GGA2: variants seen among roughly 807,000 people sequenced by gnomAD.
The protein encoded by GGA2 is golgi associated, gamma adaptin ear containing, ARF binding protein 2.
Under a neutral mutation model 79.5 loss-of-function variants are expected in GGA2, and 48 were observed. The observed-to-expected ratio is 0.60, with a 90% CI of 0.48 to 0.77. The LOEUF (loss-of-function observed/expected upper bound fraction) is 0.77. Among genes scored for constraint, GGA2 ranks in the 30% least tolerant of loss-of-function variants. The pLI, the probability that GGA2 is intolerant of heterozygous loss-of-function variation, is 0.00. For missense variants in GGA2, 770 were observed against 774.0 expected (o/e 0.99, Z 0.06); for synonymous variants, 317 against 302.0 (o/e 1.05, Z -0.51).
intron 1 of GGA2, among the ~76,000 whole-genome samples, chr16:23,508,930 T>C (rs1216723661): frequency 1.3e-5 from 2 of 152,050 alleles, no homozygotes; most frequent in Non-Finnish European, 2.9e-5. Context: ...AGATTTCTCC[T>C]TGTCCCCTGT....
chr16:23,499,203 G>A (rs1301933028), intron 1 of GGA2, among the ~76,000 whole-genome samples: 2 of 150,146 alleles, frequency 1.3e-5, no homozygotes, highest in African/African-American at 2.5e-5. Context: ...GGTGTGCAGC[G>A]GCACAATCTC....
chr16:23,498,028 C>T (rs149610585), intron 1 of GGA2, among the ~76,000 whole-genome samples: 57 of 152,274 alleles, frequency 3.7e-4, no homozygotes, highest in African/African-American at 1.2e-3. Flanking sequence ...TGCCTTAATC[C>T]TAGCACTTTG....
intron 1 of GGA2, among the ~76,000 whole-genome samples, chr16:23,503,856 C>T (rs539209787): frequency 1.2e-3 from 188 of 152,210 alleles, no homozygotes; most frequent in African/African-American, 4.4e-3. Flanking sequence ...CCAAGGTGGG[C>T]GGATCACCTG....
At chr16:23,491,184 G>A (rs1964780631) in intron 5 of GGA2, among the ~76,000 whole-genome samples, 1 of 151,750 alleles carries the variant, frequency 6.6e-6, no homozygotes, top group African/African-American at 2.4e-5. Context: ...GCACACGCCT[G>A]TAGTCCCAGC....
At chr16:23,523,439 C>T (rs1013470517), upstream of GGA2, 1 of 152,170 alleles carries the variant, frequency 6.6e-6, no homozygotes. Flanking sequence ...GAACAGATGA[C>T]GTTTAGGGAA....
intron 1 of GGA2, among the ~76,000 whole-genome samples, chr16:23,506,553 T>A (rs1168758554): frequency 6.6e-6 from 1 of 151,952 alleles, no homozygotes; most frequent in African/African-American, 2.4e-5. Flanking sequence ...GGAGGAAGGG[T>A]GTGAGCTTTG....
chr16:23,474,833 T>TG, intron 14 of GGA2, 71 bp downstream of exon 14: 2 of 1,135,618 alleles, frequency 1.8e-6, no homozygotes, highest in Non-Finnish European at 2.6e-6. Flanking sequence ...CAAACTGGAG[T>TG]GGAAAAAGCT....
intron 16 of GGA2, among the ~76,000 whole-genome samples, chr16:23,468,482 AT>A (rs761971638): frequency 1.4e-5 from 2 of 138,640 alleles, no homozygotes; most frequent in Non-Finnish European, 3.1e-5. Context: ...GGCCGACTTT[AT>A]TTTTTTTTGA....
chr16:23,494,282 T>C, intron 3 of GGA2, 21 bp downstream of exon 3: 15 of 1,537,214 alleles, frequency 9.8e-6, no homozygotes, highest in Non-Finnish European at 1.4e-5. Flanking sequence ...AAGGTTAGGC[T>C]ACAAGGCAAG....
chr16:23,471,449 A>G (rs992086409), intron 14 of GGA2, among the ~76,000 whole-genome samples: 1 of 152,308 alleles, frequency 6.6e-6, no homozygotes, highest in Non-Finnish European at 1.5e-5. Context: ...TAAAATTACA[A>G]TTCAAGTAAA....
chr16:23,470,939 C>T (rs1056343150), intron 14 of GGA2, among the ~76,000 whole-genome samples: 5 of 150,586 alleles, frequency 3.3e-5, no homozygotes, highest in Middle Eastern at 3.4e-3. Flanking sequence ...AAACGATTCT[C>T]CCACCTCAGC....
At position 23,491,789 on chromosome 16, in the gene GGA2, G is replaced by A; in HGVS notation, c.363C>T (p.Ser121=). ...TTCCTTTAACTTTTCCTGTGGCCCA[G>A]GACCCCAGGTACTGAAAGTAAAAAG... ...IKVLSPKYLG[S]WATGKVKGRV... The change falls in exon 5 of 17, where the codon TCC becomes TCT. Residue 121 remains serine, a synonymous_variant. Coordinates refer to ENST00000309859, the MANE Select transcript of GGA2 (RefSeq NM_015044.4). 6.2e-7 allele frequency: 1 copy of A among 1,610,226 alleles called. No individual in the cohort carries two copies. The highest frequency in any genetic ancestry group is 1.7e-5 in the Admixed American group (1 of 59,972).
chr16:23,516,873 T>G (rs548351714), intron 2 of GGA2, among the ~76,000 whole-genome samples: 1 of 152,002 alleles, frequency 6.6e-6, no homozygotes, highest in Non-Finnish European at 1.5e-5. Context: ...AAAGCCACCC[T>G]CTCCCCAGCT....
chr16:23,495,153 T>C (rs1964839332), intron 2 of GGA2, among the ~76,000 whole-genome samples: 1 of 152,144 alleles, frequency 6.6e-6, no homozygotes, highest in Admixed American at 6.5e-5. Flanking sequence ...TTCTGATTCT[T>C]CAGGTCCTAT....
At chr16:23,503,801 G>A (rs1016015181) in intron 1 of GGA2, among the ~76,000 whole-genome samples, 68 of 152,192 alleles carry the variant, frequency 4.5e-4, no homozygotes, top group Admixed American at 4.3e-3. Flanking sequence ...CTAATATGGG[G>A]CCGGGTGTAG....
chr16:23,502,841 A>C (rs763627597), intron 1 of GGA2, among the ~76,000 whole-genome samples: 1 of 152,248 alleles, frequency 6.6e-6, no homozygotes, highest in Non-Finnish European at 1.5e-5. Flanking sequence ...GCTGAGGATC[A>C]ACTGCCCCAG....
chr16:23,501,207 C>T, intron 1 of GGA2: 1 of 449,866 alleles, frequency 2.2e-6, no homozygotes, highest in Non-Finnish European at 4.5e-6. Flanking sequence ...AAAACTACAG[C>T]TCCATGTGCA....
chr16:23,487,790 C>A lies in GGA2; in HGVS notation c.579+816G>T, dbSNP rs373172365. Among the ~76,000 whole-genome samples, 7 of 152,228 alleles carry A rather than the reference C, an allele frequency of 4.6e-5. No homozygotes were observed. The East Asian group carries it at 1.4e-3, about 29-fold the overall frequency. ...CCTTGCTCATTCTAACAACAGGGAC[C>A]TGATGGCCACAGAGTATCTAGGCCC... On this transcript the variant is annotated intron_variant, in intron 6 of 16. Transcript: ENST00000309859.
chr16:23,492,412 C>T (rs1412450908), intron 4 of GGA2, among the ~76,000 whole-genome samples: 2 of 152,024 alleles, frequency 1.3e-5, no homozygotes, highest in Admixed American at 6.6e-5. Context: ...ATGATTTGAC[C>T]GATCATGCCT....
Sources: gnomAD v4.1 joint callset for allele counts (sites outside exome capture counted in the v4.1 genomes callset) on GRCh38, gnomAD v4.1.1 for gene constraint, MANE v1.5 for transcripts, NCBI Gene and HGNC (gene_info 2026-07-23, HGNC 2026-07-21) for gene names.